FRMD6: variants seen among roughly 807,000 people sequenced by gnomAD.
The protein encoded by FRMD6 is FERM domain containing 6, also known as FERM domain-containing protein 6.
Under a neutral mutation model 73.2 loss-of-function variants are expected in FRMD6, and 37 were observed. The ratio of observed to expected loss-of-function variants is 0.51; its 90% CI spans 0.39 to 0.66. The LOEUF (loss-of-function observed/expected upper bound fraction) is 0.66, where lower values mean the gene tolerates loss of function less well. Ranked by LOEUF, FRMD6 falls within the 30% of genes least tolerant of loss-of-function variation. The probability of loss-of-function intolerance (pLI) is 0.00; values close to 1 mark genes in which losing one functional copy is unlikely to be tolerated. For synonymous variants in FRMD6, 273 were observed against 282.2 expected, an observed-to-expected ratio of 0.97 and a Z score of 0.33; for missense variants, 714 against 780.5, an observed-to-expected ratio of 0.91 and a Z score of 1.02.
chr14:51,654,526 A>G (rs1021433959), intron 1 of FRMD6, among the ~76,000 whole-genome samples: 2 of 151,620 alleles, frequency 1.3e-5, no homozygotes, highest in African/African-American at 4.8e-5. Context: ...TGATAAAGGA[A>G]TTCTTTGTAG....
chr14:51,405,608 T>C, the FRMD6 span, among the ~76,000 whole-genome samples: 1 of 152,210 alleles, frequency 6.6e-6, no homozygotes, highest in Non-Finnish European at 1.5e-5. Context: ...ACCGCATGTA[T>C]GTCTTCTTTT....
At chr14:51,547,072 T>C (rs1045843458) in intron 1 of FRMD6, among the ~76,000 whole-genome samples, 2 of 152,078 alleles carry the variant, frequency 1.3e-5, no homozygotes, top group African/African-American at 4.8e-5. Flanking sequence ...CCAGGAAAAG[T>C]GAGAGGTCAA....
intron 1 of FRMD6, among the ~76,000 whole-genome samples, chr14:51,524,552 G>T (rs1596537513): frequency 2.0e-5 from 3 of 151,720 alleles, no homozygotes; most frequent in South Asian, 4.2e-4. Context: ...GGGTCTCTTT[G>T]TTGTTTAAAG....
intron 1 of FRMD6, among the ~76,000 whole-genome samples, chr14:51,518,299 A>G (rs1884750317): frequency 6.6e-6 from 1 of 152,198 alleles, no homozygotes; most frequent in South Asian, 2.1e-4. Flanking sequence ...CAAGGACACA[A>G]AAGAAATGTA....
the FRMD6 span, among the ~76,000 whole-genome samples, chr14:51,414,373 GC>G: frequency 6.6e-6 from 1 of 152,106 alleles, no homozygotes; most frequent in Non-Finnish European, 1.5e-5. Flanking sequence ...TCCACATATG[GC>G]TAGCCAGTTT....
At chr14:51,651,899 C>T (rs1317769114), upstream of FRMD6, 1 of 151,714 alleles carries the variant, frequency 6.6e-6, no homozygotes, top group Admixed American at 6.6e-5. Context: ...CTGGCGGGGC[C>T]AAGGGGCTGA....
chr14:51,708,642 C>A (rs1211642171), intron 7 of FRMD6, among the ~76,000 whole-genome samples: 1 of 152,046 alleles, frequency 6.6e-6, no homozygotes, highest in East Asian at 1.9e-4. Context: ...CCGTCAGTTA[C>A]AAGAACATTA....
chr14:51,611,178 T>C (rs1434805849), intron 2 of FRMD6, among the ~76,000 whole-genome samples: 1 of 152,190 alleles, frequency 6.6e-6, no homozygotes, highest in East Asian at 1.9e-4. Context: ...AGAAGGAGGC[T>C]AGGGAGGAGC....
chr14:51,726,620 T>C (rs1897971028), intron 13 of FRMD6, among the ~76,000 whole-genome samples: 1 of 152,244 alleles, frequency 6.6e-6, no homozygotes, highest in Admixed American at 6.5e-5. Flanking sequence ...TTATGAAATA[T>C]TTTCCTGAAA....
chr14:51,658,819 G>A (rs1893017086), intron 1 of FRMD6, among the ~76,000 whole-genome samples: 1 of 152,148 alleles, frequency 6.6e-6, no homozygotes, highest in Non-Finnish European at 1.5e-5. Context: ...ATAAAGGACA[G>A]TTTTATTACT....
intron 2 of FRMD6, among the ~76,000 whole-genome samples, chr14:51,617,252 T>C (rs1466491620): frequency 6.6e-6 from 1 of 152,092 alleles, no homozygotes; most frequent in South Asian, 2.1e-4. Context: ...TTGTATATGA[T>C]AGCCTGGCAA....
intron 2 of FRMD6, among the ~76,000 whole-genome samples, chr14:51,611,054 A>G (rs1890473776): frequency 6.6e-6 from 1 of 152,142 alleles, no homozygotes; most frequent in African/African-American, 2.4e-5. Context: ...GAAATCGAGT[A>G]ATCTTTCTAT....
intron 1 of FRMD6, among the ~76,000 whole-genome samples, chr14:51,668,806 T>C (rs532519784): frequency 6.6e-6 from 1 of 152,202 alleles, no homozygotes; most frequent in African/African-American, 2.4e-5. Context: ...TAGCTGGGAC[T>C]ACAGGCATGC....
At chr14:51,676,075 G>A (rs1335182112) in intron 1 of FRMD6, among the ~76,000 whole-genome samples, 2 of 151,942 alleles carry the variant, frequency 1.3e-5, no homozygotes, top group African/African-American at 4.8e-5. Flanking sequence ...ACTAGATTAA[G>A]CTAAATTGTT....
In FRMD6 at chr14:51,728,136, T is replaced by C. The variant is rs1898088432; in HGVS notation, c.*107T>C. The C allele has an allele frequency of 1.0e-6, 1 of 979,572 alleles. No homozygotes were observed. The highest frequency in any genetic ancestry group is 1.5e-6 in the Non-Finnish European group (1 of 676,196). 60.7% of individuals were successfully genotyped at this position (979,572 alleles called of 1,614,324 possible). ...TGCCATATCTTCTTCACCCTAAACA[T>C]AGCTCTTTCTTTATAATATTTGTGA... On this transcript the variant is annotated 3_prime_UTR_variant, in exon 14 of 14. Transcript: ENST00000344768.
chr14:51,476,278 C>T, the FRMD6 span, among the ~76,000 whole-genome samples: 34 of 152,298 alleles, frequency 2.2e-4, no homozygotes, highest in Middle Eastern at 3.4e-3. Context: ...CAGGGGCCAA[C>T]GCATGCTGGG....
At chr14:51,494,007 G>A (rs1331942959) in intron 1 of FRMD6, among the ~76,000 whole-genome samples, 2 of 152,182 alleles carry the variant, frequency 1.3e-5, no homozygotes, top group African/African-American at 4.8e-5. Flanking sequence ...GAAGGTGCTA[G>A]CTAGTGGGGG....
At chr14:51,516,410 A>G (rs1158602366) in intron 1 of FRMD6, among the ~76,000 whole-genome samples, 1 of 152,244 alleles carries the variant, frequency 6.6e-6, no homozygotes, top group African/African-American at 2.4e-5. Context: ...ACTCTGGAGT[A>G]GAAGACATCA....
intron 2 of FRMD6, among the ~76,000 whole-genome samples, chr14:51,632,723 CCTTT>C (rs1416231201): frequency 3.9e-5 from 6 of 152,170 alleles, no homozygotes; most frequent in African/African-American, 1.2e-4. Context: ...TGTCCATGGC[CCTTT>C]CTTTCTACAT....
Sources: allele counts gnomAD v4.1 joint callset (sites outside exome capture counted in the v4.1 genomes callset), GRCh38; gene constraint gnomAD v4.1.1; transcripts MANE v1.5; gene names NCBI Gene and HGNC (gene_info 2026-07-23, HGNC 2026-07-21).